The following LAMA4 variants were observed in gnomAD, a reference collection of about 807,000 sequenced individuals.
LAMA4 encodes the protein laminin subunit alpha 4, also known as laminin subunit alpha-4.
Under a neutral mutation model 207.1 loss-of-function variants are expected in LAMA4, and 127 were observed. The ratio of observed to expected loss-of-function variants is 0.61; its 90% confidence interval spans 0.53 to 0.71. LAMA4 has a LOEUF of 0.71. Ranked by LOEUF, LAMA4 falls within the 30% of genes least tolerant of loss-of-function variation. The probability of loss-of-function intolerance (pLI) is 0.00; values close to 1 mark genes in which losing one functional copy is unlikely to be tolerated. For synonymous variants in LAMA4, 761 were observed against 816.0 expected (o/e 0.93, Z 1.15); for missense variants, 2,093 against 2,246.5 (o/e 0.93, Z 1.38).
rs182064505 is a variant in LAMA4, at chr6:112,145,541, C to A, written c.2354-608G>T. ...TGTGTGTGGGAGCAGCCAGAGCAAG[C>A]AGCCGAGACAGAGCAGGCAGTGTGA... is the stretch of plus-strand genomic sequence containing the variant. On this transcript the variant is annotated intron_variant, in intron 18 of 38. Transcript: ENST00000230538. 1.9e-3 allele frequency among the ~76,000 whole-genome samples: 283 copies of A among 152,306 alleles called. 2 individuals are homozygous for A. Among genetic ancestry groups the A allele is most frequent in the African/African-American group, 6.5e-3 (271 of 41,566 alleles).
chr6:112,111,351 A>T (rs1478569077), intron 38 of LAMA4, among the ~76,000 whole-genome samples: 1 of 152,150 alleles, frequency 6.6e-6, no homozygotes, highest in African/African-American at 2.4e-5. Flanking sequence ...GCAGAAAAAA[A>T]ATTCTTTGAT....
chr6:112,212,426 G>T (rs1784402917), intron 3 of LAMA4, among the ~76,000 whole-genome samples: 1 of 152,190 alleles, frequency 6.6e-6, no homozygotes, highest in East Asian at 1.9e-4. Flanking sequence ...GTTTTGCCCT[G>T]TTGGCCAGGA....
chr6:112,190,927 CTTTCTTTCTT>C (rs1783028231), intron 6 of LAMA4, among the ~76,000 whole-genome samples: 1 of 92,650 alleles, frequency 1.1e-5, no homozygotes, highest in African/African-American at 4.3e-5. Context: ...TTCTTTCTTT[CTTTCTTTCTT>C]TCTTTCTTTC....
rs730880122 is a variant in LAMA4 at position 112,139,819 on chromosome 6, C to G, written c.3043G>C (p.Val1015Leu). Residue 1015 changes from valine to leucine, a missense_variant, in exon 23 of 39, where the codon GTG becomes CTG. This residue lies in a region of LAMA4 where 1,704 missense variants were observed against 1,788.4 expected (regional missense o/e 0.95). Coordinates refer to ENST00000230538, the MANE Select transcript of LAMA4 (RefSeq NM_001105206.3). ...TGCTTAAAGTTGTACAAGCTGATCA[C>G]ATCATTATTCAAAGTGGCCAGTTCC... ...CLELATLNND[V>L]ISLYNFKHIY... 1.9e-5 allele frequency: 31 copies of G among 1,613,940 alleles called. No individual in the cohort carries two copies. The highest frequency in any genetic ancestry group is 2.2e-5 in the Non-Finnish European group (26 of 1,179,930).
intron 29 of LAMA4, 52 bp from the exon 30 acceptor site, chr6:112,130,092 G>GGGTCAAGGTA: frequency 6.6e-7 from 1 of 1,503,906 alleles, no homozygotes; most frequent in Non-Finnish European, 9.2e-7. Flanking sequence ...ATTTTACCTT[G>GGGTCAAGGTA]ACCCACTCTA....
At chr6:112,240,542 A>C in intron 2 of LAMA4, among the ~76,000 whole-genome samples, 1 of 152,132 alleles carries the variant, frequency 6.6e-6, no homozygotes, top group South Asian at 2.1e-4. Flanking sequence ...CCTCTCCACC[A>C]ACCCCCTACT....
chr6:112,116,433 T>A (rs1778023164), intron 35 of LAMA4, among the ~76,000 whole-genome samples: 1 of 152,078 alleles, frequency 6.6e-6, no homozygotes. Context: ...GCATGGTGAG[T>A]GGGAGCCACA....
At chr6:112,120,540 A>G (rs587707958) in intron 32 of LAMA4, 68 bp from the exon 33 acceptor site, 2 of 1,210,124 alleles carry the variant, frequency 1.7e-6, no homozygotes, top group East Asian at 4.8e-5. Flanking sequence ...AACTTCTTAA[A>G]ATAATACAGT....
At chr6:112,146,104 A>G (rs1371386815) in intron 18 of LAMA4, among the ~76,000 whole-genome samples, 1 of 152,186 alleles carries the variant, frequency 6.6e-6, no homozygotes, top group African/African-American at 2.4e-5. Flanking sequence ...AGCCTGGCCA[A>G]CATGGCAAAA....
chr6:112,227,032 C>T (rs1430885313), intron 2 of LAMA4, among the ~76,000 whole-genome samples: 2 of 143,012 alleles, frequency 1.4e-5, no homozygotes, highest in African/African-American at 2.7e-5. Context: ...AGTCTCAGGG[C>T]TTCGACTATT....
At position 112,175,457 on chromosome 6, in the gene LAMA4, A is replaced by G. The variant is rs782600900; in HGVS notation, c.1213T>C (p.Tyr405His). Residue 405 changes from tyrosine (Y) to histidine (H), a missense_variant, in exon 11 of 39, where the codon TAT becomes CAT. Physicochemically the swap from Tyr to His is moderately conservative, Grantham distance 83 (BLOSUM62 2). Transcript: ENST00000230538. ...GGGCTAAGTTCATGCTCTTCCCCAT[A>G]ATAGAGCATCTTGTTGTTGATCTCT... is the stretch of plus-strand genomic sequence containing the variant. Reference protein sequence around the residue: ...IQEINNKMLYYGEEHELSPKE... With the variant: ...IQEINNKMLYHGEEHELSPKE... The G allele has an allele frequency of 3.1e-6, 5 of 1,614,008 alleles. No homozygotes were observed. The African/African-American group carries it at 6.7e-5, about 22-fold the overall frequency.
chr6:112,250,948 T>C (rs1554189711), intron 2 of LAMA4, among the ~76,000 whole-genome samples: 1 of 152,180 alleles, frequency 6.6e-6, no homozygotes, highest in Admixed American at 6.5e-5. Flanking sequence ...TGTGGTGGAA[T>C]GAATAGACTT....
chr6:112,239,085 T>A (rs1271662052), intron 2 of LAMA4, among the ~76,000 whole-genome samples: 3 of 151,692 alleles, frequency 2.0e-5, no homozygotes, highest in African/African-American at 7.3e-5. Flanking sequence ...TTTTGGGAGA[T>A]CGAGGCAGGT....
chr6:112,167,872 AC>A (rs1781473065), intron 12 of LAMA4, among the ~76,000 whole-genome samples: 4 of 151,346 alleles, frequency 2.6e-5, no homozygotes, highest in African/African-American at 9.7e-5. Context: ...ACACACACAC[AC>A]ACACACACAC....
chr6:112,204,640 C>G (rs1219843845), intron 4 of LAMA4, among the ~76,000 whole-genome samples: 1 of 151,042 alleles, frequency 6.6e-6, no homozygotes, highest in South Asian at 2.1e-4. Context: ...CTAAATATCT[C>G]ACCAGACGTG....
rs1583697498 is a variant in LAMA4, at chr6:112,142,058, C to T, written c.2667+61G>A. On this transcript the variant is annotated intron_variant, in intron 20 of 38. Coordinates refer to ENST00000230538, the MANE Select transcript of LAMA4 (RefSeq NM_001105206.3). ...TTTGCCTAGGTGGCTTTATTTTAGG[C>T]AAGAGAAAAAGCAGCTTTCCTTGTA... 5 of 1,586,210 alleles carry T rather than the reference C, an allele frequency of 3.2e-6. No individual in the cohort carries two copies. In the East Asian group the frequency reaches 6.7e-5, roughly 21 times the overall value.
intron 2 of LAMA4, among the ~76,000 whole-genome samples, chr6:112,241,938 C>G (rs140429212): frequency 2.6e-5 from 4 of 152,312 alleles, no homozygotes; most frequent in African/African-American, 7.2e-5. Flanking sequence ...ACAGACTGCA[C>G]TCCTCACTCC....
At chr6:112,110,131 T>C (rs782230167) in intron 38 of LAMA4, among the ~76,000 whole-genome samples, 6 of 152,208 alleles carry the variant, frequency 3.9e-5, no homozygotes, top group Non-Finnish European at 7.3e-5. Context: ...GAACTATAAA[T>C]AGGGTAATGA....
chr6:112,172,928 A>G (rs1781809643), intron 11 of LAMA4, 124 bp from the exon 12 acceptor site: 6 of 734,080 alleles, frequency 8.2e-6, no homozygotes, highest in African/African-American at 1.7e-5. Context: ...GATTGAAGCT[A>G]TTGTTCACAA....
Sources: allele counts gnomAD v4.1 joint callset (sites outside exome capture counted in the v4.1 genomes callset), GRCh38; gene constraint gnomAD v4.1.1; regional missense constraint gnomAD v4.1.1; transcripts MANE v1.5; gene names NCBI Gene and HGNC (gene_info 2026-07-23, HGNC 2026-07-21).